Variants in RD3 observed in about 807,000 individuals in gnomAD.
RD3 encodes the protein protein RD3.
A neutral mutation model predicts 16.9 loss-of-function variants in RD3; 11 were observed. That is an observed-to-expected ratio of 0.65 (90% confidence interval 0.41 to 1.08). The LOEUF is 1.08. Among genes scored for constraint, RD3 ranks in the 50% least tolerant of loss-of-function variants. The pLI is 0.00. For synonymous variants in RD3, 116 were observed against 114.8 expected, an observed-to-expected ratio of 1.01 and a Z score of -0.07; for missense variants, 274 against 267.4, an observed-to-expected ratio of 1.02 and a Z score of -0.17.
Position 211,481,528 on chromosome 1 carries a change from A to G in RD3, c.-11-102T>C, listed in dbSNP as rs112992237. 2.1e-3 allele frequency: 2,204 copies of G among 1,064,280 alleles called. 36 individuals carry two copies. The African/African-American group carries it at 0.029, about 14-fold the overall frequency. The allele number at this position is 1,064,280 out of a possible 1,614,324, so 65.9% of individuals were successfully genotyped here. A position where few individuals can be genotyped will look rare whatever the true frequency, so the allele number is the denominator to read the frequency against. ...GGAGAGAGGAGAGCTGGGACCCAGG[A>G]GAGAAGACCTGCTCTGCCCTAACAG... On this transcript the variant is annotated intron_variant, in intron 1 of 2. Transcript: ENST00000680073.
At position 211,479,217 on chromosome 1, in the gene RD3, T is replaced by A; in HGVS notation, c.407A>T (p.His136Leu). The part of the protein sequence containing the change: ...LERMKQEEEA[H>L]KLTRQWSLRP... The stretch of plus-strand genomic sequence containing the variant: ...CAGGCTCCACTGGCGCGTCAGCTTG[T>A]GGGCCTCCTCTTCCTGCTTCATCCT... The change falls in exon 3 of 3, where the codon CAC becomes CTC. Residue 136 changes from histidine (H) to leucine (L), a missense_variant. His to Leu is a moderately conservative substitution (Grantham distance 99). Transcript: ENST00000680073. 1 of 1,610,944 alleles carries A rather than the reference T, an allele frequency of 6.2e-7. No individual in the cohort carries two copies. Among genetic ancestry groups the A allele is most frequent in the African/African-American group, 1.3e-5 (1 of 75,010 alleles).
At chr1:211,486,085 C>T (rs182482219) in intron 1 of RD3, among the ~76,000 whole-genome samples, 5 of 149,466 alleles carry the variant, frequency 3.3e-5, no homozygotes, top group African/African-American at 7.4e-5. Flanking sequence ...TGGGAGGTAG[C>T]GGTTGCAGTG....
At chr1:211,491,346 G>C (rs1407609692) in intron 1 of RD3, among the ~76,000 whole-genome samples, 2 of 152,228 alleles carry the variant, frequency 1.3e-5, no homozygotes, top group African/African-American at 4.8e-5. Context: ...TCGAATCACA[G>C]TTCGCAAACC....
In RD3 at chr1:211,477,743, T is replaced by C. The variant is rs772941536; in HGVS notation, c.*1293A>G. On this transcript the variant is annotated 3_prime_UTR_variant, in exon 3 of 3. Transcript: ENST00000680073. ...AGGGAATACACACTTTTCCCCCCTG[T>C]TGATTATATCTCCTCCGGGTATTTT... The C allele has an allele frequency of 7.0e-5, 14 of 201,412 alleles. No homozygotes were observed. Among genetic ancestry groups the C allele is most frequent in the Admixed American group, 1.2e-4 (2 of 16,684 alleles). 12.5% of individuals were successfully genotyped at this position (201,412 alleles called of 1,614,324 possible).
rs572320335 is a variant in RD3 at position 211,482,121 on chromosome 1, C to T, written c.-11-695G>A. On this transcript the variant is annotated intron_variant, in intron 1 of 2. Transcript: ENST00000680073. ...CCTGTAATCCCAGCTACTCGGGAGG[C>T]TGAGGCAGGAGAATTGCCTGAACCC... Among the ~76,000 whole-genome samples the T allele has an allele frequency of 1.5e-4, 23 of 149,924 alleles. 1 individual carries two copies. In the South Asian group the frequency reaches 4.6e-3, roughly 30 times the overall value.
Position 211,486,647 on chromosome 1 carries a change from G to A in RD3, c.-12+5121C>T, listed in dbSNP as rs371483017. Among the ~76,000 whole-genome samples the A allele has an allele frequency of 2.0e-5, 3 of 152,044 alleles. No individual in the cohort carries two copies. In the South Asian group the frequency reaches 6.2e-4, roughly 32 times the overall value. On this transcript the variant is annotated intron_variant, in intron 1 of 2. Coordinates refer to ENST00000680073, the MANE Select transcript of RD3 (RefSeq NM_001164688.2). ...GTGGATCACCTGAGGTCAGGAGTTC[G>A]AGACCAGCCTGGCCAACATGGTGAA...
At chr1:211,489,858 A>G (rs886375846) in intron 1 of RD3, among the ~76,000 whole-genome samples, 1 of 152,136 alleles carries the variant, frequency 6.6e-6, no homozygotes, top group South Asian at 2.1e-4. Flanking sequence ...TTTACAGAGC[A>G]GAGTGGATGA....
chr1:211,486,632 T>C (rs2102371866), intron 1 of RD3, among the ~76,000 whole-genome samples: 1 of 152,220 alleles, frequency 6.6e-6, no homozygotes, highest in African/African-American at 2.4e-5. Context: ...GTGGATCACC[T>C]GAGGTCAGGA....
At chr1:211,483,122 T>C (rs1705309388) in intron 1 of RD3, among the ~76,000 whole-genome samples, 1 of 151,952 alleles carries the variant, frequency 6.6e-6, no homozygotes, top group Admixed American at 6.5e-5. Flanking sequence ...TACTTACCGA[T>C]GGAGACTTGA....
At chr1:211,490,451 C>T (rs921808072) in intron 1 of RD3, among the ~76,000 whole-genome samples, 20 of 152,232 alleles carry the variant, frequency 1.3e-4, no homozygotes, top group Admixed American at 7.2e-4. Flanking sequence ...TGTGACCCGC[C>T]GGACCCAGGC....
In RD3 at chr1:211,478,378, A is replaced by T. The variant is rs556002199; in HGVS notation, c.*658T>A. On this transcript the variant is annotated 3_prime_UTR_variant, in exon 3 of 3. Coordinates refer to ENST00000680073, the MANE Select transcript of RD3 (RefSeq NM_001164688.2). ...ATAGCCCAGGATTCCAAACTCAGGA[A>T]CAGACACTATTCATGCAGGAACAAT... The T allele has an allele frequency of 1.0e-5, 4 of 393,220 alleles. No homozygotes were observed. The highest frequency in any genetic ancestry group is 4.1e-5 in the African/African-American group (2 of 48,552). The allele number at this position is 393,220 out of a possible 1,614,324, so 24.4% of individuals were successfully genotyped here.
At chr1:211,482,460 A>C (rs1705293966) in intron 1 of RD3, among the ~76,000 whole-genome samples, 1 of 151,856 alleles carries the variant, frequency 6.6e-6, no homozygotes, top group Admixed American at 6.6e-5. Flanking sequence ...TGGGAGGGGA[A>C]GGTGTGACCC....
intron 2 of RD3, 76 bp downstream of exon 2, chr1:211,481,044 G>A (rs912291936): frequency 1.4e-5 from 21 of 1,474,752 alleles, no homozygotes; most frequent in Non-Finnish European, 2.0e-5. Flanking sequence ...TAGTCCTGGT[G>A]GCCTCAGGCC....
At chr1:211,490,512 C>A (rs1705468019) in intron 1 of RD3, among the ~76,000 whole-genome samples, 1 of 152,240 alleles carries the variant, frequency 6.6e-6, no homozygotes, top group Admixed American at 6.5e-5. Context: ...AGCTTCACTG[C>A]AGGGGCAGGC....
intron 1 of RD3, among the ~76,000 whole-genome samples, chr1:211,483,437 A>G (rs1478796781): frequency 6.6e-6 from 1 of 151,638 alleles, no homozygotes; most frequent in Non-Finnish European, 1.5e-5. Context: ...CCTGGGTGAC[A>G]GAGCGAGACT....
chr1:211,483,119 C>T lies in RD3; in HGVS notation c.-11-1693G>A, dbSNP rs532053041. ...AGGCCACAGCTAAATCTCTACTTAC[C>T]GATGGAGACTTGAATGACCAACTCC... On this transcript the variant is annotated intron_variant, in intron 1 of 2. Transcript: ENST00000680073. Among the ~76,000 whole-genome samples, 96 of 152,014 alleles carry T rather than the reference C, an allele frequency of 6.3e-4. 2 individuals carry two copies. Among genetic ancestry groups the T allele is most frequent in the African/African-American group, 2.3e-3 (95 of 41,288 alleles).
rs182207453 is a variant in RD3, at chr1:211,483,440, G to A, written c.-11-2014C>T. On this transcript the variant is annotated intron_variant, in intron 1 of 2. Coordinates refer to ENST00000680073, the MANE Select transcript of RD3 (RefSeq NM_001164688.2). ...ACTGCATTCCAGCCTGGGTGACAGA[G>A]CGAGACTCCAACTCAAAAAAAAAAA... Among the ~76,000 whole-genome samples, 250 of 150,250 alleles carry A rather than the reference G, an allele frequency of 1.7e-3. 1 individual carries two copies. The highest frequency in any genetic ancestry group is 5.8e-3 in the African/African-American group (236 of 40,444).
Position 211,479,309 on chromosome 1 carries a change from C to A in RD3, c.315G>T (p.Ala105=), listed in dbSNP as rs773630319. 1.9e-6 allele frequency: 3 copies of A among 1,603,750 alleles called. No individual in the cohort carries two copies. The African/African-American group carries it at 4.0e-5, about 21-fold the overall frequency. ...CCTCCTGCACCTCGGGCTCCTGCTC[C>A]GCCAGCAGCTGCCGGAACCTGGGCG... The part of the protein sequence containing the change: ...PAILRFRQLL[A]EQEPEVQEVS... Residue 105 remains alanine, a synonymous_variant, in exon 3 of 3, where the codon GCG becomes GCT. Transcript: ENST00000680073.
Position 211,478,895 on chromosome 1 carries a change from T to C in RD3, c.*141A>G. 1.4e-6 allele frequency: 1 copy of C among 729,372 alleles called. No homozygotes were observed. The highest frequency in any genetic ancestry group is 1.8e-5 in the African/African-American group (1 of 56,204). The allele number at this position is 729,372 out of a possible 1,614,324, so 45.2% of individuals were successfully genotyped here. On this transcript the variant is annotated 3_prime_UTR_variant, in exon 3 of 3. Coordinates refer to ENST00000680073, the MANE Select transcript of RD3 (RefSeq NM_001164688.2). The stretch of plus-strand genomic sequence containing the variant: ...TGGGGCAGGGAGTCGCTTCATTTTA[T>C]AGCAGCGTCTTGGGATGGGGCCGCC...
Sources: gnomAD v4.1 joint callset for allele counts (sites outside exome capture counted in the v4.1 genomes callset) on GRCh38, gnomAD v4.1.1 for gene constraint, MANE v1.5 for transcripts, NCBI Gene and HGNC (gene_info 2026-07-23, HGNC 2026-07-21) for gene names.